Variants in ECI2 observed in about 807,000 individuals in gnomAD.
The protein encoded by ECI2 is D3,D2-enoyl-CoA isomerase.
In ECI2, 27 loss-of-function variants were observed where a neutral mutation model predicts 38.4. The ratio of observed to expected loss-of-function variants is 0.70; its 90% confidence interval spans 0.52 to 0.97. ECI2 has a LOEUF of 0.97. ECI2 is among the 50% of genes least tolerant of loss of function. ECI2 has a pLI of 0.00. For missense variants in ECI2, 470 were observed against 474.4 expected, an observed-to-expected ratio of 0.99 and a Z score of 0.09; for synonymous variants, 168 against 172.0, an observed-to-expected ratio of 0.98 and a Z score of 0.18.
At position 4,133,593 on chromosome 6, in the gene ECI2, G is replaced by A; in HGVS notation, c.169C>T (p.Pro57Ser). ...AGTTTTAGCTTCACTTCGTTTCCTG[G>A]ATCCTTTTTCAAGAGTTTCACTTGA... Reference protein sequence around the residue: ...MNQVKLLKKDPGNEVKLKLYA... With the variant: ...MNQVKLLKKDSGNEVKLKLYA... The change falls in exon 2 of 10, where the codon CCA (proline) becomes TCA (serine). Residue 57 changes from proline to serine, a missense_variant. Coordinates refer to ENST00000380118, the MANE Select transcript of ECI2 (RefSeq NM_206836.3). 1.2e-6 allele frequency: 2 copies of A among 1,613,814 alleles called. No homozygotes were observed. Among genetic ancestry groups the A allele is most frequent in the Non-Finnish European group, 8.5e-7 (1 of 1,179,886 alleles).
intron 7 of ECI2, among the ~76,000 whole-genome samples, chr6:4,123,977 T>A (rs1406350535): frequency 3.4e-5 from 5 of 149,226 alleles, no homozygotes; most frequent in East Asian, 2.0e-4. Flanking sequence ...AAAAAAAAAA[T>A]AAGGATGATG....
In ECI2 at chr6:4,127,848, C is replaced by A; in HGVS notation, c.502-17G>T. On this transcript the variant is annotated splice_polypyrimidine_tract_variant and intron_variant, in intron 4 of 9. Coordinates refer to ENST00000380118, the MANE Select transcript of ECI2 (RefSeq NM_206836.3). ...ATGATACATCTGTGTAATGGGAAGACAAGGAAAAGAAAAGAACTCTGAACA... is the reference window on the plus strand; with the variant it reads ...ATGATACATCTGTGTAATGGGAAGAAAAGGAAAAGAAAAGAACTCTGAACA... 6.2e-7 allele frequency: 1 copy of A among 1,603,090 alleles called. No homozygotes were observed. The highest frequency in any genetic ancestry group is 8.5e-7 in the Non-Finnish European group (1 of 1,175,462).
chr6:4,127,651 G>A, intron 5 of ECI2, 111 bp downstream of exon 5: 1 of 1,030,600 alleles, frequency 9.7e-7, no homozygotes, highest in Non-Finnish European at 1.4e-6. Context: ...CTGACCTCGG[G>A]AGCCACCTGC....
intron 4 of ECI2, among the ~76,000 whole-genome samples, chr6:4,128,566 A>G (rs1352859676): frequency 6.6e-6 from 1 of 152,218 alleles, no homozygotes; most frequent in African/African-American, 2.4e-5. Flanking sequence ...ACTTTACATA[A>G]AACAGCCTGC....
rs1319785244 is a variant in ECI2, at chr6:4,130,809, C to T, written c.270G>A (p.Lys90=). The T allele has an allele frequency of 6.2e-7, 1 of 1,614,050 alleles. No homozygotes were observed. The highest frequency in any genetic ancestry group is 8.5e-7 in the Non-Finnish European group (1 of 1,180,026). Residue 90 remains lysine, a synonymous_variant, in exon 3 of 10, where the codon AAG becomes AAA. Transcript: ENST00000380118. The stretch of plus-strand genomic sequence containing the variant: ...GGGCATTCCATGCGTCCCATTTGGC[C>T]TTGTTGATCAAGTCAAATACACCTG... ...PKPGVFDLIN[K]AKWDAWNALG... is the part of the protein sequence containing the mutation.
Position 4,119,116 on chromosome 6 carries a change from T to G in ECI2, c.885+70A>C, listed in dbSNP as rs972317000. 4.8e-6 allele frequency: 6 copies of G among 1,259,628 alleles called. No individual in the cohort carries two copies. The Admixed American group carries it at 8.0e-5, about 17-fold the overall frequency. 78.0% of individuals were successfully genotyped at this position (1,259,628 alleles called of 1,614,324 possible). A position where few individuals can be genotyped will look rare whatever the true frequency, so the allele number is the denominator to read the frequency against. ...TTACCAAGGGAAAGAAGGGAGAGTA[T>G]ATGAGATTACTCTTCCTTCTTTCTT... On this transcript the variant is annotated intron_variant, in intron 8 of 9. Transcript: ENST00000380118.
chr6:4,133,671 T>G lies in ECI2; in HGVS notation c.91A>C (p.Met31Leu), dbSNP rs370499686. Residue 31 changes from methionine to leucine, a missense_variant, in exon 2 of 10, where the codon ATG (methionine) becomes CTG (leucine). Transcript: ENST00000380118. ...CTGGCTCTCATTGCTGTTCTATTCA[T>G]GTGCAGCTGAACTACCGGGAAACTA... ...VTSFPVVQLH[M>L]NRTAMRASQK... 7.4e-6 allele frequency: 12 copies of G among 1,613,218 alleles called. No homozygotes were observed. In the African/African-American group the frequency reaches 1.5e-4, roughly 20 times the overall value.
chr6:4,134,502 A>T (rs1773636514), intron 1 of ECI2, among the ~76,000 whole-genome samples: 1 of 152,202 alleles, frequency 6.6e-6, no homozygotes, highest in South Asian at 2.1e-4. Context: ...GCCACAAGCT[A>T]AAAATGGAGT....
In ECI2 at chr6:4,117,377, A is replaced by C; in HGVS notation, c.960T>G (p.Val320=). ...EACAQGLVTE[V]FPDSTFQKEV... Reference sequence around the variant, plus strand: ...CTTTCTGAAAAGTGCTATCAGGGAAAACTTCAGTAACAAGTCCTTGAGCAC... The same window carrying C: ...CTTTCTGAAAAGTGCTATCAGGGAACACTTCAGTAACAAGTCCTTGAGCAC... Residue 320 remains valine (V), a synonymous_variant, in exon 9 of 10, where the codon GTT becomes GTG. Transcript: ENST00000380118. The C allele has an allele frequency of 1.2e-6, 2 of 1,614,074 alleles. No individual in the cohort carries two copies. Among genetic ancestry groups the C allele is most frequent in the African/African-American group, 2.7e-5 (2 of 75,054 alleles).
intron 4 of ECI2, among the ~76,000 whole-genome samples, chr6:4,128,374 A>C (rs1384431059): frequency 6.6e-6 from 1 of 152,210 alleles, no homozygotes; most frequent in Non-Finnish European, 1.5e-5. Context: ...ATGGTATTCA[A>C]GGAAGGTGGC....
chr6:4,115,899 A>C lies in ECI2; in HGVS notation c.1160T>G (p.Phe387Cys). 6.2e-7 allele frequency: 1 copy of C among 1,613,818 alleles called. No individual in the cohort carries two copies. The highest frequency in any genetic ancestry group is 8.5e-7 in the Non-Finnish European group (1 of 1,179,868). The change falls in exon 10 of 10, where the codon TTC (phenylalanine) becomes TGC (cysteine). Residue 387 changes from phenylalanine (F) to cysteine (C), a missense_variant. Physicochemically the swap from Phe to Cys is radical, Grantham distance 205. Coordinates refer to ENST00000380118, the MANE Select transcript of ECI2 (RefSeq NM_206836.3). The part of the protein sequence containing the change: ...SDECTNAVVN[F>C]LSRKSKL ...TCACAGTTTTGATTTTCTGGATAAG[A>C]AGTTCACCACAGCATTTGTGCATTC...
At chr6:4,127,613 C>T in intron 5 of ECI2, 149 bp downstream of exon 5, 3 of 638,650 alleles carry the variant, frequency 4.7e-6, no homozygotes, top group South Asian at 2.3e-5. Context: ...TGGGGTTTCA[C>T]CATGTTAATC....
At position 4,119,211 on chromosome 6, in the gene ECI2, A is replaced by G. The variant is rs761002240; in HGVS notation, c.860T>C (p.Phe287Ser). Residue 287 changes from phenylalanine to serine, a missense_variant, in exon 8 of 10, where the codon TTT (phenylalanine) becomes TCT (serine). Physicochemically the swap from Phe to Ser is radical, Grantham distance 155. Coordinates refer to ENST00000380118, the MANE Select transcript of ECI2 (RefSeq NM_206836.3). ...QSPEGCSSYT[F>S]PKIMSPAKAT... is the part of the protein sequence containing the mutation. Reference sequence around the variant, plus strand: ...CTTGGCTGGGCTCATTATCTTCGGAAAAGTGTAAGAGGAGCATCCTTCCGG... The same window carrying G: ...CTTGGCTGGGCTCATTATCTTCGGAGAAGTGTAAGAGGAGCATCCTTCCGG... 2.5e-5 allele frequency: 41 copies of G among 1,613,610 alleles called. No individual in the cohort carries two copies. The highest frequency in any genetic ancestry group is 3.3e-5 in the Non-Finnish European group (39 of 1,179,860).
rs368863637 is a variant in ECI2, at chr6:4,130,542, A to G, written c.331T>C (p.Tyr111His). ...SLPKEAARQN[Y>H]VDLVSSLSPS... is the part of the protein sequence containing the mutation. Reference sequence around the variant, plus strand: ...CTCAAACTGGACACCAAATCCACATAGTTCTGCCTGGCAGCTTCCTGAACG... The same window carrying G: ...CTCAAACTGGACACCAAATCCACATGGTTCTGCCTGGCAGCTTCCTGAACG... The change falls in exon 4 of 10, where the codon TAT (tyrosine) becomes CAT (histidine). Residue 111 changes from tyrosine (Y) to histidine (H), a missense_variant. Coordinates refer to ENST00000380118, the MANE Select transcript of ECI2 (RefSeq NM_206836.3). 5.5e-5 allele frequency: 89 copies of G among 1,614,136 alleles called. No homozygotes were observed. The Middle Eastern group carries it at 1.5e-3, about 27-fold the overall frequency.
chr6:4,130,357 G>A lies in ECI2; in HGVS notation c.501+15C>T. On this transcript the variant is annotated intron_variant, in intron 4 of 9. Transcript: ENST00000380118. The stretch of plus-strand genomic sequence containing the variant: ...AAAGTAAAACAGGACAAACTCCGTG[G>A]GCAGGTAACATTACCTCAGTGTTTA... 1 of 1,614,122 alleles carries A rather than the reference G, an allele frequency of 6.2e-7. No individual in the cohort carries two copies. The highest frequency in any genetic ancestry group is 8.5e-7 in the Non-Finnish European group (1 of 1,179,986).
At chr6:4,116,948 C>T (rs527426110) in intron 9 of ECI2, among the ~76,000 whole-genome samples, 9 of 152,206 alleles carry the variant, frequency 5.9e-5, no homozygotes, top group Non-Finnish European at 1.3e-4. Flanking sequence ...CTCACTACCA[C>T]ATACAAAAAC....
At chr6:4,121,191 C>T (rs1475656659) in intron 7 of ECI2, among the ~76,000 whole-genome samples, 1 of 152,148 alleles carries the variant, frequency 6.6e-6, no homozygotes, top group Non-Finnish European at 1.5e-5. Flanking sequence ...ATTTACATGT[C>T]CCTAACCATT....
chr6:4,115,783 G>A lies in ECI2; in HGVS notation c.*91C>T, dbSNP rs759384643. 5 of 1,501,674 alleles carry A rather than the reference G, an allele frequency of 3.3e-6. No individual in the cohort carries two copies. In the African/African-American group the frequency reaches 7.0e-5, roughly 21 times the overall value. 93.0% of individuals were successfully genotyped at this position (1,501,674 alleles called of 1,614,324 possible). ...TAATTGATATTCTAGCACTACAAAA[G>A]GCACAATGAAGCTTATTTAGTTCCA... On this transcript the variant is annotated 3_prime_UTR_variant, in exon 10 of 10. Transcript: ENST00000380118.
At chr6:4,132,825 C>T (rs768962386) in intron 2 of ECI2, among the ~76,000 whole-genome samples, 7 of 152,256 alleles carry the variant, frequency 4.6e-5, no homozygotes, top group Admixed American at 1.3e-4. Context: ...AGTGCAGTGG[C>T]GCAATCTTGG....
Sources: gnomAD v4.1 joint callset for allele counts (sites outside exome capture counted in the v4.1 genomes callset) on GRCh38, gnomAD v4.1.1 for gene constraint, MANE v1.5 for transcripts, NCBI Gene and HGNC (gene_info 2026-07-23, HGNC 2026-07-21) for gene names.